The following ATG2A variants were observed in gnomAD, a reference collection of about 807,000 sequenced individuals.
ATG2A encodes autophagy related 2A.
Under a neutral mutation model 214.2 loss-of-function variants are expected in ATG2A, and 103 were observed. That is an observed-to-expected ratio of 0.48 (90% CI 0.41 to 0.57). ATG2A has a LOEUF of 0.57. Ranked by LOEUF, ATG2A falls within the 20% of genes least tolerant of loss-of-function variation. The probability of loss-of-function intolerance (pLI) is 0.00; values close to 1 mark genes in which losing one functional copy is unlikely to be tolerated. For missense variants in ATG2A, 2,312 were observed against 2,613.2 expected (o/e 0.88, Z 2.51); for synonymous variants, 1,160 against 1,142.1 (o/e 1.02, Z -0.32).
chr11:64,896,217 G>A (rs1216201086), intron 39 of ATG2A, among the ~76,000 whole-genome samples: 1 of 152,266 alleles, frequency 6.6e-6, no homozygotes, highest in Admixed American at 6.5e-5. Context: ...AGGAGACACA[G>A]TGGGCTCTGA....
At position 64,913,013 on chromosome 11, in the gene ATG2A, C is replaced by A; in HGVS notation, c.825+25G>T. On this transcript the variant is annotated intron_variant, in intron 6 of 40. Transcript: ENST00000377264. The surrounding 1 kb of genome is among the most constrained non-coding windows in gnomAD (Gnocchi z 4.3). The stretch of plus-strand genomic sequence containing the variant: ...GAGTCTTGAGATGGGGTACTCACCC[C>A]CTCCCCAGGGGCCTGGGGACCCACC... 1 of 1,495,314 alleles carries A rather than the reference C, an allele frequency of 6.7e-7. No homozygotes were observed. Among genetic ancestry groups the A allele is most frequent in the Non-Finnish European group, 9.0e-7 (1 of 1,112,434 alleles). The allele number at this position is 1,495,314 out of a possible 1,614,324, so 92.6% of individuals were successfully genotyped here.
rs1383726965 is a variant in ATG2A, at chr11:64,895,672, C to T, written c.5428-230G>A. On this transcript the variant is annotated intron_variant, in intron 39 of 40. Coordinates refer to ENST00000377264, the MANE Select transcript of ATG2A (RefSeq NM_015104.3). The surrounding 1 kb of genome is among the most constrained non-coding windows in gnomAD (Gnocchi z 5.0). The stretch of plus-strand genomic sequence containing the variant: ...TAGGAACGTGGGACTCCTCAGGGGA[C>T]TTTCCTAAAGTCTTCTCAACCCAAA... 6.6e-6 allele frequency among the ~76,000 whole-genome samples: 1 copy of T among 152,150 alleles called. No individual in the cohort carries two copies. The highest frequency in any genetic ancestry group is 2.4e-5 in the African/African-American group (1 of 41,420).
chr11:64,901,754 C>T (rs1944357136), intron 29 of ATG2A, among the ~76,000 whole-genome samples: 1 of 152,148 alleles, frequency 6.6e-6, no homozygotes, highest in Non-Finnish European at 1.5e-5. Flanking sequence ...TCTGGAAATC[C>T]CCCTACTCCA....
chr11:64,911,362 G>T, intron 9 of ATG2A, 87 bp from the exon 10 acceptor site: 1 of 1,365,294 alleles, frequency 7.3e-7, no homozygotes, highest in Non-Finnish European at 1.0e-6. Context: ...GCTGGGGGTT[G>T]GGAGGCCAGG....
chr11:64,914,623 A>C, intron 1 of ATG2A, 123 bp from the exon 2 acceptor site: 1 of 1,269,262 alleles, frequency 7.9e-7, no homozygotes, highest in Admixed American at 2.2e-5. Flanking sequence ...TCCACGTGTT[A>C]TCTACAAGGT....
At position 64,895,402 on chromosome 11, in the gene ATG2A, G is replaced by C. The variant is rs780263618; in HGVS notation, c.5468C>G (p.Ala1823Gly). 6.2e-7 allele frequency: 1 copy of C among 1,608,340 alleles called. No individual in the cohort carries two copies. Among genetic ancestry groups the C allele is most frequent in the Admixed American group, 1.7e-5 (1 of 59,582 alleles). Residue 1823 changes from alanine (A) to glycine (G), a missense_variant, in exon 40 of 41, where the codon GCC (alanine) becomes GGC (glycine). Coordinates refer to ENST00000377264, the MANE Select transcript of ATG2A (RefSeq NM_015104.3). This position sits in a 1 kb window ranked among gnomAD's most constrained non-coding sequence, Gnocchi z 5.0. ...ETVYDILSPA[A>G]PVSRSLQDKR... ...ATCCTGCAGGGAGCGGGAGACGGGG[G>C]CTGCCGGGGACAGGATGTCATACAC...
Position 64,913,335 on chromosome 11 carries a change from C to T in ATG2A, c.657G>A (p.Pro219=), listed in dbSNP as rs375790763. The change falls in exon 5 of 41, where the codon CCG becomes CCA. Residue 219 remains proline (P), a synonymous_variant. Coordinates refer to ENST00000377264, the MANE Select transcript of ATG2A (RefSeq NM_015104.3). The surrounding 1 kb of genome is among the most constrained non-coding windows in gnomAD (Gnocchi z 4.3). ...GCAGCAGCTTGTGCAGGAAGGCAGG[C>T]GGCTGATGCACGTCCACCGGCGGCG... ...SQAPPVDVHQ[P]PAFLHKLLQL... is the part of the protein sequence containing the mutation. 8.7e-6 allele frequency: 14 copies of T among 1,606,548 alleles called. No homozygotes were observed. Among genetic ancestry groups the T allele is most frequent in the East Asian group, 4.5e-5 (2 of 44,636 alleles).
rs1944755998 is a variant in ATG2A at position 64,911,116 on chromosome 11, TTGG to T, written c.1385_1387del (p.Thr462del). 6.2e-7 allele frequency: 1 copy of T among 1,614,100 alleles called. No homozygotes were observed. The highest frequency in any genetic ancestry group is 8.5e-7 in the Non-Finnish European group (1 of 1,180,014). ...GTCTCGGGAACCGAAGGGCCCATCC[TTGG>T]TGGCATCAAACTCGGTGAAAAAGTG... On this transcript the variant is annotated inframe_deletion, in exon 10 of 41. Coordinates refer to ENST00000377264, the MANE Select transcript of ATG2A (RefSeq NM_015104.3).
intron 39 of ATG2A, 40 bp downstream of exon 39, chr11:64,896,422 G>T: frequency 1.3e-6 from 2 of 1,573,732 alleles, no homozygotes; most frequent in Middle Eastern, 1.7e-4. Context: ...GGCTCCAGCT[G>T]CTCTGTCCTG....
rs1484412822 is a variant in ATG2A, at chr11:64,898,398, G to A, written c.4672-36C>T. The A allele has an allele frequency of 4.0e-6, 6 of 1,518,386 alleles. No homozygotes were observed. Among genetic ancestry groups the A allele is most frequent in the Non-Finnish European group, 1.8e-6 (2 of 1,124,580 alleles). 94.1% of individuals were successfully genotyped at this position (1,518,386 alleles called of 1,614,324 possible). A position where few individuals can be genotyped will look rare whatever the true frequency, so the allele number is the denominator to read the frequency against. ...AGGGTGAGTTCTGGACACCTGCTGG[G>A]CCTCTGGGGCAGCAGCTCACCCAGC... On this transcript the variant is annotated intron_variant, in intron 32 of 40. Transcript: ENST00000377264. This position sits in a 1 kb window ranked among gnomAD's most constrained non-coding sequence, Gnocchi z 4.5.
Position 64,898,276 on chromosome 11 carries a change from C to T in ATG2A, c.4758G>A (p.Arg1586=). 1 of 1,613,698 alleles carries T rather than the reference C, an allele frequency of 6.2e-7. No homozygotes were observed. Among genetic ancestry groups the T allele is most frequent in the Non-Finnish European group, 8.5e-7 (1 of 1,179,826 alleles). Residue 1586 remains arginine, a synonymous_variant, in exon 33 of 41, where the codon CGG becomes CGA. Coordinates refer to ENST00000377264, the MANE Select transcript of ATG2A (RefSeq NM_015104.3). The surrounding 1 kb of genome is among the most constrained non-coding windows in gnomAD (Gnocchi z 4.5). ...GACCACTCACCTGGTCCACATTGAG[C>T]CGCAGGGGCATCAGCGAGACGCGGA... is the stretch of plus-strand genomic sequence containing the variant. ...CCLRVSLMPL[R]LNVDQDALFF...
rs765958426 is a variant in ATG2A at position 64,897,828 on chromosome 11, C to T, written c.4994+11G>A. The T allele has an allele frequency of 1.2e-6, 2 of 1,612,140 alleles. No homozygotes were observed. Among genetic ancestry groups the T allele is most frequent in the Non-Finnish European group, 1.7e-6 (2 of 1,178,760 alleles). ...GGCCCAGGGCCCCCCACCCGCAGTC[C>T]AGCAGCCTACCTGAAGTAGATGGGC... On this transcript the variant is annotated intron_variant, in intron 35 of 40. Coordinates refer to ENST00000377264, the MANE Select transcript of ATG2A (RefSeq NM_015104.3).
intron 26 of ATG2A, 129 bp from the exon 27 acceptor site, chr11:64,902,809 G>T: frequency 1.2e-6 from 1 of 803,794 alleles, no homozygotes; most frequent in Non-Finnish European, 2.0e-6. Flanking sequence ...GTCTCTCCTG[G>T]AGTGGATGAC....
At chr11:64,909,174 T>A (rs1590648572) in intron 15 of ATG2A, 24 bp from the exon 16 acceptor site, 1 of 1,605,606 alleles carries the variant, frequency 6.2e-7, no homozygotes, top group South Asian at 1.1e-5. Flanking sequence ...GGCCTGTTAC[T>A]GGCCTGCAGG....
At chr11:64,902,884 C>A (rs1944408160) in intron 26 of ATG2A, among the ~76,000 whole-genome samples, 1 of 152,146 alleles carries the variant, frequency 6.6e-6, no homozygotes, top group Non-Finnish European at 1.5e-5. Flanking sequence ...GGGGCTTGGC[C>A]CAGGGCCATC....
intron 1 of ATG2A, among the ~76,000 whole-genome samples, chr11:64,915,132 A>ACCCCC (rs34205615): frequency 5.5e-5 from 2 of 36,536 alleles, no homozygotes; most frequent in African/African-American, 1.8e-4. Context: ...GCCAGATGGG[A>ACCCCC]CCCCCCCCCC....
intron 6 of ATG2A, 116 bp downstream of exon 6, chr11:64,912,918 AGAAG>A (rs1944831314): frequency 3.9e-6 from 3 of 760,430 alleles, no homozygotes; most frequent in African/African-American, 3.5e-5. Context: ...TTAGCTGCCA[AGAAG>A]GAAGTAAATC....
Position 64,909,721 on chromosome 11 carries a change from T to C in ATG2A, c.2067A>G (p.Pro689=), listed in dbSNP as rs764188687. 1.2e-6 allele frequency: 2 copies of C among 1,613,144 alleles called. No homozygotes were observed. Among genetic ancestry groups the C allele is most frequent in the Non-Finnish European group, 1.7e-6 (2 of 1,179,972 alleles). ...AGGTGAGTTCCAGGTGGGTGGGGAC[T>C]GGGGGACCAGGCCCACTGCTAAGCT... The part of the protein sequence containing the change: ...RSELSSGPGP[P]VPTHLELTCS... Residue 689 remains proline (P), a synonymous_variant, in exon 14 of 41, where the codon CCA becomes CCG. Transcript: ENST00000377264.
rs759826034 is a variant in ATG2A, at chr11:64,894,813, C to T, written c.*160G>A. 6 of 907,122 alleles carry T rather than the reference C, an allele frequency of 6.6e-6. No individual in the cohort carries two copies. Among genetic ancestry groups the T allele is most frequent in the Admixed American group, 3.5e-5 (2 of 57,744 alleles). 56.2% of individuals were successfully genotyped at this position (907,122 alleles called of 1,614,324 possible). Reference sequence around the variant, plus strand: ...GGGCTAAGGCCCCAAGGCAGGGAGGCCCCCCTCTCACAGCAGATTGGCAAC... The same window carrying T: ...GGGCTAAGGCCCCAAGGCAGGGAGGTCCCCCTCTCACAGCAGATTGGCAAC... On this transcript the variant is annotated 3_prime_UTR_variant, in exon 41 of 41. Transcript: ENST00000377264.
Sources: allele counts gnomAD v4.1 joint callset (sites outside exome capture counted in the v4.1 genomes callset), GRCh38; gene constraint gnomAD v4.1.1; non-coding constraint Gnocchi (gnomAD v3.1); transcripts MANE v1.5; gene names NCBI Gene and HGNC (gene_info 2026-07-23, HGNC 2026-07-21).